SATL1: variants seen among roughly 807,000 people sequenced by gnomAD.
SATL1 encodes spermidine/spermine N(1)-acetyltransferase-like protein 1.
A neutral mutation model predicts 51.8 loss-of-function variants in SATL1; 47 were observed. That is an observed-to-expected ratio of 0.91 (90% CI 0.72 to 1.16). The LOEUF is 1.16. Among genes scored for constraint, SATL1 ranks in the 50% most tolerant of loss-of-function variants. SATL1 has a pLI of 0.00. For synonymous variants in SATL1, 176 were observed against 182.4 expected, an observed-to-expected ratio of 0.97 and a Z score of 0.28; for missense variants, 520 against 526.4, an observed-to-expected ratio of 0.99 and a Z score of 0.12.
chrX:85,122,620 A>G (rs1179854326), intron 2 of SATL1, among the ~76,000 whole-genome samples: 9 of 111,952 alleles, frequency 8.0e-5, no homozygotes, highest in Non-Finnish European at 1.9e-5. Context: ...AGTGTACAAA[A>G]AAAAAGAAAA....
chrX:85,146,979 G>T (rs1205354820), intron 2 of SATL1, among the ~76,000 whole-genome samples: 1 of 112,588 alleles, frequency 8.9e-6, no homozygotes, highest in Non-Finnish European at 1.9e-5. Flanking sequence ...CAGGACAGTG[G>T]GTGCAGCGCA....
chrX:85,131,132 G>A (rs1602855038), intron 2 of SATL1, among the ~76,000 whole-genome samples: 1 of 111,861 alleles, frequency 8.9e-6, no homozygotes, highest in Non-Finnish European at 1.9e-5. Flanking sequence ...TGTTGATTTG[G>A]GATAGAGAGT....
chrX:85,156,855 AT>A (rs1569238896), intron 2 of SATL1, among the ~76,000 whole-genome samples: 601 of 33,634 alleles, frequency 0.018, 5 homozygotes, highest in Non-Finnish European at 0.031. Context: ...ATATATATAT[AT>A]ATATATATAT....
chrX:85,146,413 G>A, intron 2 of SATL1, among the ~76,000 whole-genome samples: 1 of 111,586 alleles, frequency 9.0e-6, no homozygotes. Flanking sequence ...TGATGAATAT[G>A]GATTGCATTC....
chrX:85,115,490 A>G (rs1457718754), intron 2 of SATL1, among the ~76,000 whole-genome samples: 1 of 112,392 alleles, frequency 8.9e-6, no homozygotes, highest in Non-Finnish European at 1.9e-5. Context: ...AGGTCATCTG[A>G]GCTGGTAGGT....
chrX:85,166,396 C>T (rs1336349334), intron 2 of SATL1, among the ~76,000 whole-genome samples: 1 of 111,655 alleles, frequency 9.0e-6, no homozygotes, highest in Non-Finnish European at 1.9e-5. Flanking sequence ...GACTAATATC[C>T]AGAATCTACA....
At chrX:85,132,161 C>T (rs750385678) in intron 2 of SATL1, among the ~76,000 whole-genome samples, 1 of 111,258 alleles carries the variant, frequency 9.0e-6, no homozygotes, top group South Asian at 3.8e-4. Flanking sequence ...ATCTTTGTGG[C>T]ATTCTTTGTG....
rs748299978 is a variant in SATL1 at position 85,206,661 on chromosome X, ACTTT to A, written c.-313+17540_-313+17543del. On this transcript the variant is annotated intron_variant, in intron 2 of 7. Coordinates refer to ENST00000644105, the MANE Select transcript of SATL1 (RefSeq NM_001367857.2). ...GGAGTGTTGAAAATTAGGGTAGACA[ACTTT>A]CTTTGAGATGTTTTATAATGATAGG... Among the ~76,000 whole-genome samples the A allele has an allele frequency of 3.9e-3, 430 of 111,454 alleles. 2 individuals are homozygous for A. The highest frequency in any genetic ancestry group is 0.014 in the African/African-American group (420 of 30,702).
intron 4 of SATL1, among the ~76,000 whole-genome samples, chrX:85,099,273 C>CA (rs959883001): frequency 3.6e-5 from 4 of 110,430 alleles, no homozygotes; most frequent in African/African-American, 9.8e-5. Context: ...GATCTCCCAA[C>CA]AAAAAAAAGG....
intron 1 of SATL1, among the ~76,000 whole-genome samples, chrX:85,241,188 T>C (rs1208312730): frequency 9.0e-6 from 1 of 111,291 alleles, no homozygotes; most frequent in African/African-American, 3.3e-5. Flanking sequence ...TACTTAAATA[T>C]GAACAACAGT....
intron 2 of SATL1, among the ~76,000 whole-genome samples, chrX:85,172,211 T>TA (rs1250194453): frequency 8.9e-6 from 1 of 111,751 alleles, no homozygotes; most frequent in African/African-American, 3.2e-5. Flanking sequence ...CTAAAGAGGA[T>TA]ATACGCATGT....
chrX:85,233,247 A>G (rs1170159490), intron 1 of SATL1, among the ~76,000 whole-genome samples: 1 of 112,305 alleles, frequency 8.9e-6, no homozygotes, highest in East Asian at 2.8e-4. Context: ...TAATGAAGAT[A>G]TGGCTGCAGT....
chrX:85,191,480 C>T (rs73234632), intron 2 of SATL1, among the ~76,000 whole-genome samples: 12,142 of 110,557 alleles, frequency 0.11, 571 homozygotes, highest in South Asian at 0.18. Context: ...CCTTGAACAA[C>T]GTGGGGGTTA....
intron 1 of SATL1, among the ~76,000 whole-genome samples, chrX:85,231,635 GC>G (rs1928383266): frequency 8.9e-6 from 1 of 112,005 alleles, no homozygotes; most frequent in Non-Finnish European, 1.9e-5. Flanking sequence ...CTTGGGGGAG[GC>G]AGAGTGCAAG....
chrX:85,185,989 A>T (rs1434096218), intron 2 of SATL1, among the ~76,000 whole-genome samples: 1 of 110,458 alleles, frequency 9.1e-6, no homozygotes, highest in East Asian at 2.9e-4. Flanking sequence ...GGCGAGTACC[A>T]CCTGGTTACC....
At chrX:85,187,135 G>A (rs756368282) in intron 2 of SATL1, among the ~76,000 whole-genome samples, 6 of 111,740 alleles carry the variant, frequency 5.4e-5, no homozygotes, top group Non-Finnish European at 7.5e-5. Context: ...TTTTCAGATA[G>A]TTCATTGTTT....
chrX:85,107,173 A>G lies in SATL1; in HGVS notation c.1641+155T>C, dbSNP rs76610710. On this transcript the variant is annotated intron_variant, in intron 3 of 7. Transcript: ENST00000644105. ...TATATATTGTTATAATCTTGATTTTAGATGCAGAAAATGAAGAGTAAAGAG... is the reference window on the plus strand; with the variant it reads ...TATATATTGTTATAATCTTGATTTTGGATGCAGAAAATGAAGAGTAAAGAG... 3.6e-4 allele frequency among the ~76,000 whole-genome samples: 40 copies of G among 112,040 alleles called. No homozygotes were observed. In the East Asian group the frequency reaches 0.011, roughly 31 times the overall value.
chrX:85,181,162 GAC>G (rs1927192388), intron 2 of SATL1, among the ~76,000 whole-genome samples: 1 of 100,805 alleles, frequency 9.9e-6, no homozygotes, highest in Non-Finnish European at 2.0e-5. Flanking sequence ...CATACACACA[GAC>G]AGATATATAT....
Position 85,128,276 on chromosome X carries a change from C to G in SATL1, c.-312-18996G>C, listed in dbSNP as rs762585653. Among the ~76,000 whole-genome samples, 587 of 111,446 alleles carry G rather than the reference C, an allele frequency of 5.3e-3. 3 individuals are homozygous for G. The highest frequency in any genetic ancestry group is 0.018 in the African/African-American group (550 of 30,685). On this transcript the variant is annotated intron_variant, in intron 2 of 7. Coordinates refer to ENST00000644105, the MANE Select transcript of SATL1 (RefSeq NM_001367857.2). The stretch of plus-strand genomic sequence containing the variant: ...ACACTCCCACCAACAGTGTAAAAGC[C>G]TTCCTATTTCTCCACATCCTCTCCA...
Sources: gnomAD v4.1 joint callset for allele counts (sites outside exome capture counted in the v4.1 genomes callset) on GRCh38, gnomAD v4.1.1 for gene constraint, MANE v1.5 for transcripts, NCBI Gene and HGNC (gene_info 2026-07-23, HGNC 2026-07-21) for gene names.